TOP1MT: variants seen among roughly 807,000 people sequenced by gnomAD.
TOP1MT encodes the protein DNA topoisomerase I mitochondrial.
TOP1MT carries 80 observed loss-of-function variants against 73.9 expected under a neutral mutation model. That is an observed-to-expected ratio of 1.08 (90% CI 0.90 to 1.30). The LOEUF is 1.30. Ranked by LOEUF, TOP1MT falls within the 50% of genes most tolerant of loss-of-function variation. The pLI is 0.00. For synonymous variants in TOP1MT, 338 were observed against 326.4 expected (o/e 1.04, Z -0.38); for missense variants, 815 against 808.0 (o/e 1.01, Z -0.10).
In TOP1MT at chr8:143,309,524, G is replaced by C. The variant is rs772759742; in HGVS notation, c.1723C>G (p.Pro575Ala). The C allele has an allele frequency of 1.2e-6, 2 of 1,613,644 alleles. No homozygotes were observed. Among genetic ancestry groups the C allele is most frequent in the African/African-American group, 2.7e-5 (2 of 74,906 alleles). ...GTTTTGCTGTAGATCTTCTCCACTGGCACCCTGAACCGCTTGCACCTGCGG... is the reference window on the plus strand; with the variant it reads ...GTTTTGCTGTAGATCTTCTCCACTGCCACCCTGAACCGCTTGCACCTGCGG... ...SIAWCKRFRV[P>A]VEKIYSKTQR... The change falls in exon 14 of 14, where the codon CCA (proline) becomes GCA (alanine). Residue 575 changes from proline (P) to alanine (A), a missense_variant. This residue lies in a region of TOP1MT where 751 missense variants were observed against 725.4 expected (regional missense o/e 1.04). Coordinates refer to ENST00000329245, the MANE Select transcript of TOP1MT (RefSeq NM_052963.3).
At chr8:143,331,046 C>A (rs1196415102) in intron 2 of TOP1MT, among the ~76,000 whole-genome samples, 178 bp downstream of exon 2, 2 of 152,206 alleles carry the variant, frequency 1.3e-5, no homozygotes, top group African/African-American at 4.8e-5. Flanking sequence ...AACTGCCACC[C>A]TCTGAGCATG....
chr8:143,330,480 A>G (rs1392309447), intron 2 of TOP1MT, among the ~76,000 whole-genome samples: 1 of 152,234 alleles, frequency 6.6e-6, no homozygotes, highest in African/African-American at 2.4e-5. Context: ...TTGGAGAAAC[A>G]GGCTTTGAAC....
At chr8:143,322,430 ACACCACACGCACGC>A (rs1816470593) in intron 7 of TOP1MT, among the ~76,000 whole-genome samples, 1 of 99,728 alleles carries the variant, frequency 1.0e-5, no homozygotes, top group Non-Finnish European at 1.8e-5. Flanking sequence ...ACACACATGC[ACACCACACGCACGC>A]CACACACAGG....
rs1218978376 is a variant in TOP1MT, at chr8:143,316,031, A to G, written c.1426T>C (p.Phe476Leu). 1.9e-6 allele frequency: 3 copies of G among 1,614,106 alleles called. No homozygotes were observed. Among genetic ancestry groups the G allele is most frequent in the Non-Finnish European group, 2.5e-6 (3 of 1,179,964 alleles). Residue 476 changes from phenylalanine (F) to leucine (L), a missense_variant, in exon 11 of 14, where the codon TTC becomes CTC. By Grantham distance (22) the Phe-to-Leu change is conservative (BLOSUM62 0). Transcript: ENST00000329245. ...CNHQRATPST[F>L]EKSMQNLQTK... is the part of the protein sequence containing the mutation. ...TGGAGATTCTGCATCGACTTCTCGA[A>G]CGTACTGGGGGTTGCTCGCTGATGG...
At chr8:143,359,485 T>C, upstream of TOP1MT, 1 of 956,226 alleles carries the variant, frequency 1.0e-6, no homozygotes, top group Non-Finnish European at 1.2e-6. Context: ...CCGGCACCGC[T>C]GGCCAGGTGC....
chr8:143,311,590 A>C (rs1816015939), intron 12 of TOP1MT, among the ~76,000 whole-genome samples: 1 of 152,128 alleles, frequency 6.6e-6, no homozygotes. Context: ...TACTAAAAAT[A>C]CAAAAATTAG....
chr8:143,317,254 G>C (rs1279950250), intron 10 of TOP1MT, among the ~76,000 whole-genome samples: 5 of 152,164 alleles, frequency 3.3e-5, no homozygotes, highest in Admixed American at 2.0e-4. Context: ...CCCTCGCCAA[G>C]CTTAGACAGC....
chr8:143,342,502 GTTA>G (rs1175799496), intron 2 of TOP1MT, among the ~76,000 whole-genome samples: 975 of 91,786 alleles, frequency 0.011, 62 homozygotes, highest in African/African-American at 0.096. Context: ...GAGTCTCGCT[GTTA>G]TTATTATTAT....
intron 8 of TOP1MT, among the ~76,000 whole-genome samples, chr8:143,318,389 C>T (rs960043347): frequency 3.3e-5 from 5 of 152,184 alleles, no homozygotes; most frequent in East Asian, 3.9e-4. Context: ...CCATCAATGC[C>T]GGATTTCCAC....
intron 10 of TOP1MT, 40 bp from the exon 11 acceptor site, chr8:143,316,166 C>A (rs1245133141): frequency 1.2e-6 from 2 of 1,613,042 alleles, no homozygotes; most frequent in South Asian, 1.1e-5. Context: ...CCCACGGGGC[C>A]GGCCACCCTC....
In TOP1MT at chr8:143,321,213, C is replaced by A. The variant is rs576527377; in HGVS notation, c.1134G>T (p.Pro378=). 6.9e-6 allele frequency: 11 copies of A among 1,598,388 alleles called. No homozygotes were observed. The South Asian group carries it at 1.2e-4, about 18-fold the overall frequency. ...CGAGGGCACTCACCGGCTTCTCCACCGGCACTCTGTTGTAGTAGCGGATGC... is the reference window on the plus strand; with the variant it reads ...CGAGGGCACTCACCGGCTTCTCCACAGGCACTCTGTTGTAGTAGCGGATGC... The part of the protein sequence containing the change: ...KDCIRYYNRV[P]VEKPVYKNLQ... The change falls in exon 8 of 14, where the codon CCG becomes CCT. Residue 378 remains proline, a synonymous_variant. Transcript: ENST00000329245.
At chr8:143,331,591 AGCTAAGCGGGAAAGGGCAAG>A in intron 1 of TOP1MT, among the ~76,000 whole-genome samples, 1 of 152,162 alleles carries the variant, frequency 6.6e-6, no homozygotes, top group East Asian at 1.9e-4. Context: ...CACCAAGCCC[AGCTAAGCGGGAAAGGGCAAG>A]CCCAGCTAAG....
intron 12 of TOP1MT, among the ~76,000 whole-genome samples, chr8:143,313,281 T>C (rs144658428): frequency 2.0e-5 from 3 of 152,310 alleles, no homozygotes; most frequent in South Asian, 4.1e-4. Flanking sequence ...CCGGGCGCAG[T>C]TGCTCACACC....
At position 143,321,367 on chromosome 8, in the gene TOP1MT, T is replaced by C. The variant is rs148969355; in HGVS notation, c.980A>G (p.Asn327Ser). The change falls in exon 8 of 14, where the codon AAT (asparagine) becomes AGT (serine). Residue 327 changes from asparagine to serine, a missense_variant. Asn to Ser is a conservative substitution (Grantham distance 46). Around this residue, in one of 3 missense-constraint regions of TOP1MT, gnomAD observed 751 missense variants for 725.4 expected, o/e 1.04. Transcript: ENST00000329245. ...GGCCGCCTCACCGTCCTCCTTCTCA[T>C]TTCCTGCTCTCAGTGCCAGCTAGTT... ...FIDKLALRAGNEKEDGEAADT... is the reference protein window; with the variant it reads ...FIDKLALRAGSEKEDGEAADT... 2.4e-5 allele frequency: 38 copies of C among 1,589,870 alleles called. No individual in the cohort carries two copies. The African/African-American group carries it at 4.4e-4, about 19-fold the overall frequency.
At chr8:143,330,750 G>C (rs943480495) in intron 2 of TOP1MT, among the ~76,000 whole-genome samples, 26 of 152,198 alleles carry the variant, frequency 1.7e-4, no homozygotes, top group African/African-American at 6.3e-4. Flanking sequence ...GGAGGGGTGT[G>C]TGGGCCCTGC....
intron 1 of TOP1MT, chr8:143,343,906 C>CTAGT (rs149157014): frequency 0.017 from 2,620 of 153,358 alleles, 66 homozygotes; most frequent in African/African-American, 0.061. Context: ...CCACACCTCA[C>CTAGT]ACTATGGCTG....
At chr8:143,321,052 A>T in intron 8 of TOP1MT, 149 bp downstream of exon 8, 1 of 794,538 alleles carries the variant, frequency 1.3e-6, no homozygotes, top group Non-Finnish European at 1.9e-6. Flanking sequence ...CTTCACCTTT[A>T]CCCCGATCAG....
intron 7 of TOP1MT, among the ~76,000 whole-genome samples, chr8:143,323,445 CCACACGCACGCCACACACATGCTCACCA>C (rs1377844329): frequency 2.2e-5 from 2 of 89,010 alleles, no homozygotes; most frequent in African/African-American, 1.1e-4. Context: ...CACACGCACG[CCACACGCACGCCACACACATGCTCACCA>C]CACACGCACG....
upstream of TOP1MT, among the ~76,000 whole-genome samples, chr8:143,356,431 A>G (rs556317237): frequency 2.0e-5 from 3 of 152,380 alleles, no homozygotes; most frequent in Non-Finnish European, 4.4e-5. Context: ...CACAAAGTAC[A>G]TATTTTTAAA....
Sources: gnomAD v4.1 joint callset for allele counts (sites outside exome capture counted in the v4.1 genomes callset) on GRCh38, gnomAD v4.1.1 for gene constraint, gnomAD v4.1.1 regional missense constraint, MANE v1.5 for transcripts, NCBI Gene and HGNC (gene_info 2026-07-23, HGNC 2026-07-21) for gene names.